The following TET2 variants were observed in gnomAD, a reference collection of about 807,000 sequenced individuals.
TET2 encodes methylcytosine dioxygenase TET2.
TET2 carries 299 observed loss-of-function variants against 142.9 expected under a neutral mutation model. The ratio of observed to expected loss-of-function variants is 2.09; its 90% CI spans 1.90 to 2.30. TET2 has a LOEUF of 2.30. Ranked by LOEUF, TET2 falls within the 30% of genes most tolerant of loss-of-function variation. The pLI, the probability that TET2 is intolerant of heterozygous loss-of-function variation, is 0.00. For missense variants in TET2, 2,418 were observed against 2,378.0 expected, an observed-to-expected ratio of 1.02 and a Z score of -0.35; for synonymous variants, 819 against 849.0, an observed-to-expected ratio of 0.96 and a Z score of 0.61.
intron 1 of TET2, chr4:105,171,470 T>C (rs1240732529): frequency 6.6e-6 from 1 of 152,224 alleles, no homozygotes; most frequent in East Asian, 1.9e-4. Context: ...TGTAATCATA[T>C]AACCAAATAA....
At chr4:105,211,940 T>A (rs929014129) in intron 2 of TET2, among the ~76,000 whole-genome samples, 1 of 152,224 alleles carries the variant, frequency 6.6e-6, no homozygotes, top group Non-Finnish European at 1.5e-5. Context: ...CTGCAAAGAC[T>A]ACTTACTGTA....
intron 2 of TET2, among the ~76,000 whole-genome samples, chr4:105,202,144 T>G (rs1015845627): frequency 2.0e-5 from 3 of 152,184 alleles, no homozygotes; most frequent in Non-Finnish European, 2.9e-5. Flanking sequence ...ATCTTCTTCC[T>G]AATCCTTGAC....
At chr4:105,153,573 C>T (rs1723418571) in intron 1 of TET2, among the ~76,000 whole-genome samples, 1 of 152,122 alleles carries the variant, frequency 6.6e-6, no homozygotes, top group South Asian at 2.1e-4. Context: ...TAATTCTCAT[C>T]ACAACCCTAG....
Position 105,237,262 on chromosome 4 carries a change from C to T in TET2, c.3320C>T (p.Ser1107Leu), listed in dbSNP as rs751355910. The change falls in exon 3 of 11, where the codon TCA becomes TTA. Residue 1107 changes from serine (S) to leucine (L), a missense_variant. Transcript: ENST00000380013. ...TCTGTTCTCAATAATTTTATAGAGT[C>T]ACCTTCCAAATTACTAGATACTCCT... The part of the protein sequence containing the change: ...AASVLNNFIE[S>L]PSKLLDTPIK... The T allele has an allele frequency of 2.5e-6, 4 of 1,614,006 alleles. No homozygotes were observed. The highest frequency in any genetic ancestry group is 1.7e-5 in the Admixed American group (1 of 59,986).
chr4:105,183,345 C>CTT (rs1725232345), intron 1 of TET2, among the ~76,000 whole-genome samples: 1 of 151,952 alleles, frequency 6.6e-6, no homozygotes, highest in South Asian at 2.1e-4. Flanking sequence ...AAGGGATATC[C>CTT]TTTTATAAAC....
chr4:105,223,945 T>C (rs183809866), intron 2 of TET2, among the ~76,000 whole-genome samples: 24 of 152,090 alleles, frequency 1.6e-4, no homozygotes, highest in African/African-American at 5.3e-4. Context: ...AATGTATAAA[T>C]AAACAGGATT....
intron 1 of TET2, among the ~76,000 whole-genome samples, chr4:105,181,507 C>G (rs1289137654): frequency 6.6e-6 from 1 of 152,174 alleles, no homozygotes; most frequent in Non-Finnish European, 1.5e-5. Flanking sequence ...GGACAATCAA[C>G]AACAAATTCC....
rs1560570276 is a variant in TET2, at chr4:105,270,677, TA to T, written c.4182+931del. On this transcript the variant is annotated intron_variant, in intron 9 of 10. Coordinates refer to ENST00000380013, the MANE Select transcript of TET2 (RefSeq NM_001127208.3). ...GTGAGGGGAAAATAGATACATGTTA[TA>T]TATATATATATATATATATATGTTC... 3.5e-3 allele frequency among the ~76,000 whole-genome samples: 38 copies of T among 10,738 alleles called. No homozygotes were observed. In the African/African-American group the frequency reaches 0.046, roughly 13 times the overall value. The allele number at this position is 10,738 out of a possible 152,430, so 7.0% of individuals were successfully genotyped here.
At chr4:105,197,072 A>G (rs969919171) in intron 2 of TET2, among the ~76,000 whole-genome samples, 1 of 152,052 alleles carries the variant, frequency 6.6e-6, no homozygotes, top group Non-Finnish European at 1.5e-5. Context: ...CGGAGCTTGA[A>G]CCTCAGAGAT....
intron 8 of TET2, among the ~76,000 whole-genome samples, chr4:105,267,730 A>G (rs1730754628): frequency 6.6e-6 from 1 of 151,952 alleles, no homozygotes; most frequent in African/African-American, 2.4e-5. Flanking sequence ...TAACACCCCT[A>G]ATTATAAGGC....
At chr4:105,148,881 T>G (rs1383796654) in intron 1 of TET2, among the ~76,000 whole-genome samples, 1 of 152,188 alleles carries the variant, frequency 6.6e-6, no homozygotes, top group Non-Finnish European at 1.5e-5. Context: ...TTTCCAAAAC[T>G]ATTTGTCCTC....
intron 1 of TET2, among the ~76,000 whole-genome samples, chr4:105,165,397 T>C (rs1724100718): frequency 6.6e-6 from 1 of 152,044 alleles, no homozygotes; most frequent in Non-Finnish European, 1.5e-5. Flanking sequence ...AAATAAAAAA[T>C]AATTGTCTTG....
rs114657137 is a variant in TET2, at chr4:105,160,414, G to A, written c.-193+13435G>A. On this transcript the variant is annotated intron_variant, in intron 1 of 10. Transcript: ENST00000380013. ...TACTGGTGCTATGTATTAGCTGTAA[G>A]CAGACTGGTTTGAATATTTAAAATA... Among the ~76,000 whole-genome samples, 240 of 152,270 alleles carry A rather than the reference G, an allele frequency of 1.6e-3. 1 individual carries two copies. The highest frequency in any genetic ancestry group is 2.8e-3 in the Non-Finnish European group (190 of 68,016).
intron 8 of TET2, among the ~76,000 whole-genome samples, chr4:105,263,953 G>T (rs1730564558): frequency 6.6e-6 from 1 of 152,106 alleles, no homozygotes; most frequent in Non-Finnish European, 1.5e-5. Flanking sequence ...TAGGTATGGG[G>T]CTCTGGGATG....
chr4:105,155,157 G>A (rs1578530427), intron 1 of TET2, among the ~76,000 whole-genome samples: 1 of 152,352 alleles, frequency 6.6e-6, no homozygotes, highest in East Asian at 1.9e-4. Flanking sequence ...GAAGGGCAAT[G>A]CAGGGCAGAG....
In TET2 at chr4:105,275,582, C is replaced by A. The variant is rs2110313762; in HGVS notation, c.5072C>A (p.Ser1691Tyr). Residue 1691 changes from serine to tyrosine, a missense_variant, in exon 11 of 11, where the codon TCT becomes TAT. Physicochemically the swap from Ser to Tyr is moderately radical, Grantham distance 144. Coordinates refer to ENST00000380013, the MANE Select transcript of TET2 (RefSeq NM_001127208.3). ...PRFGNSQSFT[S>Y]KYLGYGNQNM... The stretch of plus-strand genomic sequence containing the variant: ...TTTGGAAATAGCCAGAGTTTTACAT[C>A]TAAATACTTAGGTTATGGAAACCAA... 1 of 1,551,726 alleles carries A rather than the reference C, an allele frequency of 6.4e-7. No homozygotes were observed. Among genetic ancestry groups the A allele is most frequent in the Non-Finnish European group, 8.7e-7 (1 of 1,146,982 alleles).
chr4:105,270,020 A>G (rs1730876017), intron 9 of TET2, among the ~76,000 whole-genome samples: 1 of 152,176 alleles, frequency 6.6e-6, no homozygotes, highest in African/African-American at 2.4e-5. Context: ...CAGCATGGGA[A>G]AGATCTGCCC....
In TET2 at chr4:105,258,256, G is replaced by T. The variant is rs377063555; in HGVS notation, c.3804-1363G>T. The stretch of plus-strand genomic sequence containing the variant: ...CAGTACTTTTATTGCTTTTATGGAG[G>T]ATAAAATTTTCAGAGATCCTTATTC... On this transcript the variant is annotated intron_variant, in intron 6 of 10. Coordinates refer to ENST00000380013, the MANE Select transcript of TET2 (RefSeq NM_001127208.3). 7.2e-5 allele frequency among the ~76,000 whole-genome samples: 11 copies of T among 152,082 alleles called. 1 individual carries two copies. Among genetic ancestry groups the T allele is most frequent in the African/African-American group, 2.6e-4 (11 of 41,516 alleles).
At chr4:105,215,949 T>A (rs1390769839) in intron 2 of TET2, among the ~76,000 whole-genome samples, 2 of 152,188 alleles carry the variant, frequency 1.3e-5, no homozygotes, top group Non-Finnish European at 2.9e-5. Context: ...GTCTGACAAC[T>A]CAGAGTTCTA....
Sources: gnomAD v4.1 joint callset for allele counts (sites outside exome capture counted in the v4.1 genomes callset) on GRCh38, gnomAD v4.1.1 for gene constraint, MANE v1.5 for transcripts, NCBI Gene and HGNC (gene_info 2026-07-23, HGNC 2026-07-21) for gene names.